Variants in SLMAP observed in about 807,000 individuals in gnomAD.
SLMAP encodes sarcolemma associated protein.
Under a neutral mutation model 128.8 loss-of-function variants are expected in SLMAP, and 44 were observed. The observed-to-expected ratio is 0.34, with a 90% CI of 0.27 to 0.44. The LOEUF (loss-of-function observed/expected upper bound fraction) is 0.44, where lower values mean the gene tolerates loss of function less well. Among genes scored for constraint, SLMAP ranks in the 20% least tolerant of loss-of-function variants. The pLI is 1.00. For missense variants in SLMAP, 787 were observed against 985.3 expected, an observed-to-expected ratio of 0.80 and a Z score of 2.69; for synonymous variants, 327 against 348.8, an observed-to-expected ratio of 0.94 and a Z score of 0.70.
intron 2 of SLMAP, among the ~76,000 whole-genome samples, chr3:57,775,023 T>G (rs915524178): frequency 3.2e-4 from 48 of 152,254 alleles, no homozygotes; most frequent in African/African-American, 1.1e-3. Context: ...TTTTGGTATC[T>G]GAATGTTGGG....
chr3:57,836,004 G>A lies in SLMAP; in HGVS notation c.346+4474G>A, dbSNP rs907431546. On this transcript the variant is annotated intron_variant, in intron 3 of 24. Coordinates refer to ENST00000671191, the MANE Select transcript of SLMAP (RefSeq NM_001377540.1). ...GTGTATCATACTAAAAACAATGGAAGCATAATTTTAAAACTCCCCATTTTA... is the reference window on the plus strand; with the variant it reads ...GTGTATCATACTAAAAACAATGGAAACATAATTTTAAAACTCCCCATTTTA... Among the ~76,000 whole-genome samples, 7 of 151,950 alleles carry A rather than the reference G, an allele frequency of 4.6e-5. No homozygotes were observed. In the East Asian group the frequency reaches 1.4e-3, roughly 29 times the overall value.
chr3:57,814,158 A>G (rs2091492608), intron 2 of SLMAP, among the ~76,000 whole-genome samples: 1 of 150,476 alleles, frequency 6.6e-6, no homozygotes, highest in South Asian at 2.1e-4. Flanking sequence ...CCCCTCTCTC[A>G]GGGTGAACCC....
intron 2 of SLMAP, among the ~76,000 whole-genome samples, chr3:57,759,896 A>T (rs1220479174): frequency 6.6e-6 from 1 of 152,194 alleles, no homozygotes; most frequent in African/African-American, 2.4e-5. Flanking sequence ...GATAACTAAG[A>T]ATAGGTCAGT....
chr3:57,757,472 C>T lies in SLMAP; in HGVS notation c.-180C>T, dbSNP rs2077823362. The T allele has an allele frequency of 1.6e-6, 1 of 628,096 alleles. No homozygotes were observed. Among genetic ancestry groups the T allele is most frequent in the Non-Finnish European group, 2.8e-6 (1 of 357,026 alleles). The allele number at this position is 628,096 out of a possible 1,614,324, so 38.9% of individuals were successfully genotyped here. A position where few individuals can be genotyped will look rare whatever the true frequency, so the allele number is the denominator to read the frequency against. On this transcript the variant is annotated 5_prime_UTR_variant, in exon 2 of 25. Coordinates refer to ENST00000671191, the MANE Select transcript of SLMAP (RefSeq NM_001377540.1). The stretch of plus-strand genomic sequence containing the variant: ...TTTAAAGGAGGTGATGGGGCTTGCG[C>T]TGGCTTGTCTTCCCACCCAAGTGAA...
chr3:57,806,227 G>A (rs2089824288), intron 2 of SLMAP, among the ~76,000 whole-genome samples: 1 of 151,802 alleles, frequency 6.6e-6, no homozygotes, highest in African/African-American at 2.4e-5. Flanking sequence ...CCCCCAACTG[G>A]CCCTGGTGTG....
intron 2 of SLMAP, among the ~76,000 whole-genome samples, chr3:57,780,120 C>CTT (rs201844391): frequency 6.8e-6 from 1 of 146,728 alleles, no homozygotes; most frequent in African/African-American, 2.5e-5. Context: ...TTAATGTTCC[C>CTT]TTTTTTTTTT....
chr3:57,902,523 A>C (rs1049519174), intron 17 of SLMAP, among the ~76,000 whole-genome samples: 1 of 152,192 alleles, frequency 6.6e-6, no homozygotes, highest in African/African-American at 2.4e-5. Flanking sequence ...AATGAACTGG[A>C]GTGGATAGAG....
In SLMAP at chr3:57,784,839, G is replaced by T. The variant is rs531761468; in HGVS notation, c.198+26990G>T. On this transcript the variant is annotated intron_variant, in intron 2 of 24. Transcript: ENST00000671191. ...GATTATTAGGTCATGGATTAATGTT[G>T]TTATCTTGGGAGTGGGTTTGTTATA... 2.1e-3 allele frequency among the ~76,000 whole-genome samples: 324 copies of T among 152,218 alleles called. 1 individual carries two copies. The highest frequency in any genetic ancestry group is 7.6e-3 in the African/African-American group (314 of 41,526).
chr3:57,866,253 C>T (rs1291130531), intron 13 of SLMAP, among the ~76,000 whole-genome samples: 1 of 150,794 alleles, frequency 6.6e-6, no homozygotes, highest in East Asian at 1.9e-4. Context: ...GCCTGGGTGA[C>T]GAGCAAGGCC....
chr3:57,912,510 A>T lies in SLMAP; in HGVS notation c.1829A>T (p.Lys610Met). ...TTGCTCCTTCATCAAGCAGCAGCAA[A>T]GGTTGCCTCTGAGCGGGACACTGAC... is the stretch of plus-strand genomic sequence containing the variant. ...EILLLHQAAAKVASERDTDIA... is the reference protein window; with the variant it reads ...EILLLHQAAAMVASERDTDIA... The change falls in exon 20 of 25, where the codon AAG (lysine) becomes ATG (methionine). Residue 610 changes from lysine to methionine, a missense_variant. This residue lies in a region of SLMAP where 715 missense variants were observed against 843.6 expected (regional missense o/e 0.85). Coordinates refer to ENST00000671191, the MANE Select transcript of SLMAP (RefSeq NM_001377540.1). 1.2e-6 allele frequency: 2 copies of T among 1,614,192 alleles called. No individual in the cohort carries two copies. The highest frequency in any genetic ancestry group is 3.3e-5 in the Admixed American group (2 of 60,012).
intron 2 of SLMAP, among the ~76,000 whole-genome samples, chr3:57,790,135 C>T (rs2085139361): frequency 6.6e-6 from 1 of 152,188 alleles, no homozygotes; most frequent in Non-Finnish European, 1.5e-5. Flanking sequence ...CCATGCCCAG[C>T]CAATCATGTT....
Position 57,867,370 on chromosome 3 carries a change from G to C in SLMAP, c.1237+2078G>C, listed in dbSNP as rs941022985. On this transcript the variant is annotated intron_variant, in intron 13 of 24. Coordinates refer to ENST00000671191, the MANE Select transcript of SLMAP (RefSeq NM_001377540.1). Reference sequence around the variant, plus strand: ...ACTGATTCATTTTTTTCCAGTTCCAGTTGGTTCAGATGAAAATAATAGTAG... The same window carrying C: ...ACTGATTCATTTTTTTCCAGTTCCACTTGGTTCAGATGAAAATAATAGTAG... Among the ~76,000 whole-genome samples, 10 of 152,192 alleles carry C rather than the reference G, an allele frequency of 6.6e-5. 1 individual carries two copies. In the South Asian group the frequency reaches 2.1e-3, roughly 32 times the overall value.
At chr3:57,912,234 G>T in intron 19 of SLMAP, 147 bp from the exon 20 acceptor site, 17 of 552,392 alleles carry the variant, frequency 3.1e-5, no homozygotes, top group Non-Finnish European at 3.7e-5. Flanking sequence ...TCTGTATTTT[G>T]ACGCTTTCTG....
chr3:57,814,843 TG>T (rs1163140621), intron 2 of SLMAP, among the ~76,000 whole-genome samples: 1 of 151,862 alleles, frequency 6.6e-6, no homozygotes, highest in Non-Finnish European at 1.5e-5. Flanking sequence ...AAAAACTAGC[TG>T]GGTGTGGTGA....
rs17745496 is a variant in SLMAP, at chr3:57,916,912, G to A, written c.2145G>A (p.Gln715=). The A allele has an allele frequency of 0.027, 43,988 of 1,612,330 alleles. 710 individuals carry two copies. Among genetic ancestry groups the A allele is most frequent in the Non-Finnish European group, 0.031 (36,413 of 1,178,734 alleles). The change falls in exon 22 of 25, where the codon CAG becomes CAA. Residue 715 remains glutamine, a synonymous_variant. Transcript: ENST00000671191. ...QRQEKELHNS[Q]KQSLELTSDL... ...GTCAATATTTATATTGCAGTTCTCA[G>A]AAGCAGAGTTTAGAGCTTACCAGTG...
At chr3:57,827,464 A>G (rs2153540237) in intron 2 of SLMAP, among the ~76,000 whole-genome samples, 1 of 152,374 alleles carries the variant, frequency 6.6e-6, no homozygotes, top group East Asian at 1.9e-4. Context: ...GACTGATGAG[A>G]CAGGGGTAAA....
chr3:57,766,931 A>T (rs1204640189), intron 2 of SLMAP, among the ~76,000 whole-genome samples: 2 of 150,920 alleles, frequency 1.3e-5, no homozygotes, highest in African/African-American at 2.4e-5. Flanking sequence ...TTTTATTTTT[A>T]TTTTTGAGAC....
chr3:57,763,873 G>A (rs781230807), intron 2 of SLMAP, among the ~76,000 whole-genome samples: 8 of 152,132 alleles, frequency 5.3e-5, no homozygotes, highest in Non-Finnish European at 8.8e-5. Flanking sequence ...GGAATAAAAA[G>A]CAGATAATTT....
chr3:57,881,237 C>G (rs1341632532), intron 14 of SLMAP, among the ~76,000 whole-genome samples: 3 of 152,028 alleles, frequency 2.0e-5, no homozygotes, highest in Admixed American at 6.6e-5. Context: ...GCCTTCTACT[C>G]TATCGCTCTT....
Sources: allele counts gnomAD v4.1 joint callset (sites outside exome capture counted in the v4.1 genomes callset), GRCh38; gene constraint gnomAD v4.1.1; regional missense constraint gnomAD v4.1.1; transcripts MANE v1.5; gene names NCBI Gene and HGNC (gene_info 2026-07-23, HGNC 2026-07-21).